The following CSNK1G1 variants were observed in gnomAD, a reference collection of about 807,000 sequenced individuals.
The protein encoded by CSNK1G1 is casein kinase I isoform gamma-1.
A neutral mutation model predicts 59.6 loss-of-function variants in CSNK1G1; 22 were observed. The ratio of observed to expected loss-of-function variants is 0.37; its 90% confidence interval spans 0.26 to 0.53. CSNK1G1 has a LOEUF of 0.53. Ranked by LOEUF, CSNK1G1 falls within the 20% of genes least tolerant of loss-of-function variation. CSNK1G1 has a pLI of 0.89. For missense variants in CSNK1G1, 384 were observed against 519.5 expected, an observed-to-expected ratio of 0.74 and a Z score of 2.54; for synonymous variants, 179 against 177.1, an observed-to-expected ratio of 1.01 and a Z score of -0.08.
intron 1 of CSNK1G1, among the ~76,000 whole-genome samples, chr15:64,313,044 C>A (rs1333686165): frequency 6.6e-6 from 1 of 152,114 alleles, no homozygotes; most frequent in Non-Finnish European, 1.5e-5. Flanking sequence ...AAATCAAAAC[C>A]ACAATGAGAT....
intron 1 of CSNK1G1, among the ~76,000 whole-genome samples, chr15:64,323,549 G>A (rs1896680345): frequency 6.6e-6 from 1 of 151,652 alleles, no homozygotes; most frequent in Non-Finnish European, 1.5e-5. Context: ...ATTTTTAGTA[G>A]ACATGGGGTT....
chr15:64,310,102 C>A (rs1895911460), intron 1 of CSNK1G1, among the ~76,000 whole-genome samples: 1 of 151,800 alleles, frequency 6.6e-6, no homozygotes. Flanking sequence ...GACAGAGAGA[C>A]CCTGTCTCTC....
chr15:64,183,095 C>T (rs1315154874), intron 10 of CSNK1G1, among the ~76,000 whole-genome samples: 60 of 152,182 alleles, frequency 3.9e-4, no homozygotes, highest in Admixed American at 3.9e-3. Context: ...AATAAAATGT[C>T]TTGGCTTCTA....
intron 1 of CSNK1G1, among the ~76,000 whole-genome samples, chr15:64,336,945 C>T (rs887934244): frequency 3.3e-5 from 5 of 152,118 alleles, no homozygotes; most frequent in Middle Eastern, 3.4e-3. Context: ...AAGCAGAACT[C>T]GGCCGGGCGC....
chr15:64,276,413 G>A (rs994249913), intron 2 of CSNK1G1, among the ~76,000 whole-genome samples: 23 of 152,066 alleles, frequency 1.5e-4, no homozygotes, highest in Non-Finnish European at 1.8e-4. Context: ...TTATTATTTT[G>A]AAACAAATCT....
Position 64,203,066 on chromosome 15 carries a change from G to A in CSNK1G1, c.1107+16C>T. On this transcript the variant is annotated intron_variant, in intron 10 of 11. Transcript: ENST00000303052. ...AAGAAGGGTAGTGTCTGAAAGAATG[G>A]AGGATCAACACATACCTGATTTCGA... 1.3e-6 allele frequency: 2 copies of A among 1,582,484 alleles called. No homozygotes were observed. Among genetic ancestry groups the A allele is most frequent in the East Asian group, 2.2e-5 (1 of 44,746 alleles).
intron 2 of CSNK1G1, among the ~76,000 whole-genome samples, chr15:64,261,398 C>T (rs1892680873): frequency 6.6e-6 from 1 of 151,896 alleles, no homozygotes; most frequent in Admixed American, 6.6e-5. Flanking sequence ...GTCAGGAGTT[C>T]GAGAACAGCC....
chr15:64,183,000 C>T (rs1031333507), intron 10 of CSNK1G1, among the ~76,000 whole-genome samples: 1 of 152,180 alleles, frequency 6.6e-6, no homozygotes, highest in African/African-American at 2.4e-5. Flanking sequence ...AGTGATAATA[C>T]TGGTAAACTC....
rs1177031136 is a variant in CSNK1G1 at position 64,168,223 on chromosome 15, T to G, written c.*3708A>C. 6.6e-6 allele frequency: 1 copy of G among 152,656 alleles called. No homozygotes were observed. The highest frequency in any genetic ancestry group is 1.9e-4 in the East Asian group (1 of 5,202). The allele number at this position is 152,656 out of a possible 1,614,324, so 9.5% of individuals were successfully genotyped here. On this transcript the variant is annotated 3_prime_UTR_variant, in exon 12 of 12. Transcript: ENST00000303052. ...TGGGATTTTAACTGGAAGCTAATCT[T>G]GTACCTTCCTAGACCCTGTTTATTG... is the stretch of plus-strand genomic sequence containing the variant.
chr15:64,251,411 T>C (rs573035349), intron 4 of CSNK1G1, 101 bp downstream of exon 4: 106 of 743,858 alleles, frequency 1.4e-4, no homozygotes, highest in African/African-American at 1.2e-3. Context: ...GGGAGATAGA[T>C]GGTTTGGTAA....
chr15:64,262,014 A>G (rs924895711), intron 2 of CSNK1G1, among the ~76,000 whole-genome samples: 2 of 152,088 alleles, frequency 1.3e-5, no homozygotes, highest in African/African-American at 4.8e-5. Flanking sequence ...CAGAACATCA[A>G]TGCTATCTTA....
chr15:64,251,919 T>A (rs1352346233), intron 3 of CSNK1G1, among the ~76,000 whole-genome samples: 2 of 152,196 alleles, frequency 1.3e-5, no homozygotes, highest in Non-Finnish European at 2.9e-5. Flanking sequence ...CAGAATGTAT[T>A]TCCTGCTTGT....
At chr15:64,179,910 A>T (rs1465700932) in intron 11 of CSNK1G1, among the ~76,000 whole-genome samples, 1 of 152,204 alleles carries the variant, frequency 6.6e-6, no homozygotes, top group Admixed American at 6.5e-5. Flanking sequence ...ATCATTTGAG[A>T]GTGAACAAAA....
At chr15:64,317,530 C>CT (rs57192493) in intron 1 of CSNK1G1, among the ~76,000 whole-genome samples, 123,591 of 140,800 alleles carry the variant, frequency 0.88, 55,746 homozygotes, top group East Asian at 0.98. Context: ...TAAGGTTTCT[C>CT]TTTTTTTTTT....
Position 64,168,337 on chromosome 15 carries a change from G to A in CSNK1G1, c.*3594C>T, listed in dbSNP as rs1359719615. On this transcript the variant is annotated 3_prime_UTR_variant, in exon 12 of 12. Transcript: ENST00000303052. Reference sequence around the variant, plus strand: ...TCAGGATACTCTATCCACCCTTGGGGGCAGTCTGGAGTGAGATCTCTGGAA... The same window carrying A: ...TCAGGATACTCTATCCACCCTTGGGAGCAGTCTGGAGTGAGATCTCTGGAA... The A allele has an allele frequency of 1.3e-5, 2 of 152,596 alleles. No individual in the cohort carries two copies. Among genetic ancestry groups the A allele is most frequent in the East Asian group, 3.8e-4 (2 of 5,196 alleles). 9.5% of individuals were successfully genotyped at this position (152,596 alleles called of 1,614,324 possible).
intron 2 of CSNK1G1, among the ~76,000 whole-genome samples, chr15:64,275,900 AG>A (rs1893586442): frequency 1.3e-5 from 2 of 152,246 alleles, no homozygotes; most frequent in Non-Finnish European, 2.9e-5. Context: ...AAGAATAATA[AG>A]AGCCATCAAT....
intron 2 of CSNK1G1, among the ~76,000 whole-genome samples, chr15:64,268,520 G>A (rs1221705048): frequency 6.6e-6 from 1 of 152,162 alleles, no homozygotes; most frequent in East Asian, 1.9e-4. Flanking sequence ...TGTAGAGTTT[G>A]CATGTTCTCC....
At chr15:64,270,555 C>T (rs1329836732) in intron 2 of CSNK1G1, among the ~76,000 whole-genome samples, 3 of 151,986 alleles carry the variant, frequency 2.0e-5, no homozygotes, top group Non-Finnish European at 2.9e-5. Flanking sequence ...GTCAGGAGAT[C>T]GAGACCATCC....
chr15:64,322,109 T>C (rs1169208176), intron 1 of CSNK1G1, among the ~76,000 whole-genome samples: 1 of 152,110 alleles, frequency 6.6e-6, no homozygotes, highest in Non-Finnish European at 1.5e-5. Context: ...AGTAAATATC[T>C]TTTGCCTTCT....
Sources: allele counts gnomAD v4.1 joint callset (sites outside exome capture counted in the v4.1 genomes callset), GRCh38; gene constraint gnomAD v4.1.1; transcripts MANE v1.5; gene names NCBI Gene and HGNC (gene_info 2026-07-23, HGNC 2026-07-21).